Variants in SLC38A4 observed in about 807,000 individuals in gnomAD.
SLC38A4 encodes the protein sodium-coupled neutral amino acid transporter 4.
Under a neutral mutation model 63.1 loss-of-function variants are expected in SLC38A4, and 20 were observed. The ratio of observed to expected loss-of-function variants is 0.32; its 90% CI spans 0.22 to 0.46. The LOEUF (loss-of-function observed/expected upper bound fraction) is 0.46. Among genes scored for constraint, SLC38A4 ranks in the 20% least tolerant of loss-of-function variants. SLC38A4 has a pLI of 1.00. For missense variants in SLC38A4, 526 were observed against 663.6 expected, an observed-to-expected ratio of 0.79 and a Z score of 2.28; for synonymous variants, 230 against 225.5, an observed-to-expected ratio of 1.02 and a Z score of -0.18.
intron 14 of SLC38A4, among the ~76,000 whole-genome samples, chr12:46,774,128 C>A (rs77680761): frequency 6.6e-6 from 1 of 151,864 alleles, no homozygotes; most frequent in African/African-American, 2.4e-5. Context: ...CATAGTAGTA[C>A]GGATCTGATT....
At chr12:46,828,446 C>A (rs185046668), upstream of SLC38A4, among the ~76,000 whole-genome samples, 3 of 152,086 alleles carry the variant, frequency 2.0e-5, no homozygotes, top group Non-Finnish European at 4.4e-5. Flanking sequence ...CTTAGCCTCT[C>A]GAGTATCTGG....
chr12:46,774,127 A>G (rs543619414), intron 14 of SLC38A4, among the ~76,000 whole-genome samples: 1 of 152,166 alleles, frequency 6.6e-6, no homozygotes, highest in South Asian at 2.1e-4. Flanking sequence ...CCATAGTAGT[A>G]CGGATCTGAT....
intron 2 of SLC38A4, among the ~76,000 whole-genome samples, chr12:46,803,162 T>G (rs960437321): frequency 1.3e-5 from 2 of 152,062 alleles, no homozygotes; most frequent in African/African-American, 4.8e-5. Flanking sequence ...GTCAAAAATT[T>G]TGTGGGGTTT....
In SLC38A4 at chr12:46,782,096, A is replaced by G. The variant is rs79428700; in HGVS notation, c.494-2066T>C. ...TAACATATAAAAATTTTTTTAACAC[A>G]AATCATAAGATATGGCTGAATTTTA... On this transcript the variant is annotated intron_variant, in intron 7 of 16. Transcript: ENST00000266579. Among the ~76,000 whole-genome samples, 478 of 152,136 alleles carry G rather than the reference A, an allele frequency of 3.1e-3. 4 individuals are homozygous for G. Among genetic ancestry groups the G allele is most frequent in the Admixed American group, 6.4e-3 (97 of 15,254 alleles).
At chr12:46,777,247 T>C (rs773600241) in intron 12 of SLC38A4, among the ~76,000 whole-genome samples, 1 of 151,986 alleles carries the variant, frequency 6.6e-6, no homozygotes, top group African/African-American at 2.4e-5. Context: ...GAACAGTCTA[T>C]TTCACGTAGG....
chr12:46,767,970 G>T (rs534810055), intron 16 of SLC38A4, among the ~76,000 whole-genome samples: 2 of 152,120 alleles, frequency 1.3e-5, no homozygotes, highest in South Asian at 4.2e-4. Context: ...CCATAACACC[G>T]CTAGGGAGCC....
intron 6 of SLC38A4, 131 bp downstream of exon 6, chr12:46,784,973 C>A (rs919164728): frequency 2.4e-6 from 2 of 826,084 alleles, no homozygotes; most frequent in Non-Finnish European, 4.0e-6. Context: ...ACTGAGAGAT[C>A]GTGTCACTGG....
At position 46,766,765 on chromosome 12, in the gene SLC38A4, A is replaced by G. The variant is rs1202664547; in HGVS notation, c.1580T>C (p.Ile527Thr). The change falls in exon 17 of 17, where the codon ATT becomes ACT. Residue 527 changes from isoleucine (I) to threonine (T), a missense_variant. Physicochemically the swap from Ile to Thr is moderately conservative, Grantham distance 89 (BLOSUM62 -1). Coordinates refer to ENST00000266579, the MANE Select transcript of SLC38A4 (RefSeq NM_018018.5). ...IFLVVGIFFM[I>T]GSMALIIIDW... ...AATTATAATGAGTGCCATGCTTCCA[A>G]TCATGAAGAATATTCCAACCACAAG... The G allele has an allele frequency of 5.0e-6, 8 of 1,611,902 alleles. No homozygotes were observed. In the Admixed American group the frequency reaches 1.3e-4, roughly 27 times the overall value.
At chr12:46,775,785 C>T (rs1938513439) in intron 13 of SLC38A4, among the ~76,000 whole-genome samples, 1 of 151,986 alleles carries the variant, frequency 6.6e-6, no homozygotes. Context: ...GTGGGTACTA[C>T]TCTAAGACGA....
chr12:46,824,991 C>A (rs1939617921), intron 1 of SLC38A4, among the ~76,000 whole-genome samples: 1 of 152,120 alleles, frequency 6.6e-6, no homozygotes, highest in Non-Finnish European at 1.5e-5. Flanking sequence ...GTTTAGGTGG[C>A]CTCTCTGTGC....
At chr12:46,775,827 C>T (rs1208228465) in intron 13 of SLC38A4, among the ~76,000 whole-genome samples, 1 of 151,968 alleles carries the variant, frequency 6.6e-6, no homozygotes, top group African/African-American at 2.4e-5. Context: ...CACCTTCATT[C>T]AGGACTCCAA....
At chr12:46,782,514 A>T (rs1280331162) in intron 7 of SLC38A4, among the ~76,000 whole-genome samples, 2 of 152,004 alleles carry the variant, frequency 1.3e-5, no homozygotes, top group Non-Finnish European at 2.9e-5. Flanking sequence ...CATAGGGGAA[A>T]ACCTATGAGT....
rs2429470 is a variant in SLC38A4 at position 46,802,606 on chromosome 12, T to A, written c.-113+997A>T. ...AAATACTTTCAAGAAAATCCCAGAA[T>A]GCTATCTAAATATAAATCGAAACTG... On this transcript the variant is annotated intron_variant, in intron 2 of 16. Coordinates refer to ENST00000266579, the MANE Select transcript of SLC38A4 (RefSeq NM_018018.5). Among the ~76,000 whole-genome samples, 319 of 152,040 alleles carry A rather than the reference T, an allele frequency of 2.1e-3. 1 individual carries two copies. The highest frequency in any genetic ancestry group is 7.4e-3 in the African/African-American group (307 of 41,546).
intron 13 of SLC38A4, 31 bp from the exon 14 acceptor site, chr12:46,775,204 T>C (rs1255528200): frequency 6.2e-7 from 1 of 1,605,072 alleles, no homozygotes; most frequent in Non-Finnish European, 8.5e-7. Flanking sequence ...TGAAACCGCT[T>C]GGTGTTGTCA....
At chr12:46,781,077 C>G (rs899234150) in intron 7 of SLC38A4, among the ~76,000 whole-genome samples, 9 of 152,030 alleles carry the variant, frequency 5.9e-5, no homozygotes, top group African/African-American at 2.2e-4. Context: ...TAATTCCCCA[C>G]ATTGGTTAGT....
chr12:46,766,871 T>C, intron 16 of SLC38A4, 69 bp from the exon 17 acceptor site: 1 of 1,060,038 alleles, frequency 9.4e-7, no homozygotes, highest in Non-Finnish European at 1.4e-6. Context: ...TTTAGTTGTT[T>C]ACATAATATG....
chr12:46,790,134 G>T (rs1938854567), intron 3 of SLC38A4, among the ~76,000 whole-genome samples: 1 of 152,080 alleles, frequency 6.6e-6, no homozygotes, highest in East Asian at 1.9e-4. Context: ...ATTATTGTAG[G>T]AGATCTGTAC....
intron 2 of SLC38A4, among the ~76,000 whole-genome samples, chr12:46,802,491 A>G (rs1939150684): frequency 6.6e-6 from 1 of 152,066 alleles, no homozygotes; most frequent in Non-Finnish European, 1.5e-5. Flanking sequence ...ACTGTATAAC[A>G]TGTTTAAAGA....
At chr12:46,773,403 A>C (rs1938459204) in intron 14 of SLC38A4, among the ~76,000 whole-genome samples, 1 of 152,120 alleles carries the variant, frequency 6.6e-6, no homozygotes, top group South Asian at 2.1e-4. Flanking sequence ...TAACATTGCA[A>C]GGGTGAGGAC....
Sources: gnomAD v4.1 joint callset for allele counts (sites outside exome capture counted in the v4.1 genomes callset) on GRCh38, gnomAD v4.1.1 for gene constraint, MANE v1.5 for transcripts, NCBI Gene and HGNC (gene_info 2026-07-23, HGNC 2026-07-21) for gene names.